The following USP36 variants were observed in gnomAD, a reference collection of about 807,000 sequenced individuals.
The protein encoded by USP36 is ubiquitin specific peptidase 36, also known as ubiquitin carboxyl-terminal hydrolase 36.
Under a neutral mutation model 111.5 loss-of-function variants are expected in USP36, and 59 were observed. The ratio of observed to expected loss-of-function variants is 0.53; its 90% CI spans 0.43 to 0.66. USP36 has a LOEUF of 0.66. USP36 is among the 30% of genes least tolerant of loss of function. The pLI, the probability that USP36 is intolerant of heterozygous loss-of-function variation, is 0.00. For synonymous variants in USP36, 628 were observed against 581.0 expected (o/e 1.08, Z -1.16); for missense variants, 1,488 against 1,468.0 (o/e 1.01, Z -0.22).
rs115856516 is a variant in USP36, at chr17:78,823,163, C to G, written c.690-1159G>C. 3 of 398,606 alleles carry G rather than the reference C, an allele frequency of 7.5e-6. No homozygotes were observed. The East Asian group carries it at 1.1e-4, about 14-fold the overall frequency. The allele number at this position is 398,606 out of a possible 1,614,324, so 24.7% of individuals were successfully genotyped here. ...CTCTGAAATACTTGGGGGACCAATA[C>G]AGGATCATTCAATTTTTATTCTGCA... On this transcript the variant is annotated intron_variant, in intron 6 of 20. Coordinates refer to ENST00000449938, the MANE Select transcript of USP36 (RefSeq NM_001385174.1).
chr17:78,831,314 A>G (rs1291243652), intron 4 of USP36, among the ~76,000 whole-genome samples: 1 of 150,644 alleles, frequency 6.6e-6, no homozygotes, highest in Non-Finnish European at 1.5e-5. Context: ...GGTAAGATAC[A>G]GTTTTACTAC....
Position 78,799,661 on chromosome 17 carries a change from CA to C in USP36, c.3124+5del. ...GCAAACAGAAGTCCTGTCTCCAAATCAGTACCTTTTCTCCCGTAAGCTTTAT... is the reference window on the plus strand; with the variant it reads ...GCAAACAGAAGTCCTGTCTCCAAATCGTACCTTTTCTCCCGTAAGCTTTAT... On this transcript the variant is annotated splice_donor_5th_base_variant and intron_variant, in intron 18 of 20. Coordinates refer to ENST00000449938, the MANE Select transcript of USP36 (RefSeq NM_001385174.1). The C allele has an allele frequency of 6.2e-7, 1 of 1,612,048 alleles. No individual in the cohort carries two copies.
At chr17:78,790,356 T>C (rs1441133178) in intron 3 of USP36, among the ~76,000 whole-genome samples, 2 of 152,122 alleles carry the variant, frequency 1.3e-5, no homozygotes, top group Non-Finnish European at 2.9e-5. Flanking sequence ...AATGGCGCGG[T>C]CTCAGCTCAC....
intron 4 of USP36, among the ~76,000 whole-genome samples, chr17:78,833,490 C>T (rs915301081): frequency 3.3e-5 from 5 of 152,098 alleles, no homozygotes; most frequent in Non-Finnish European, 5.9e-5. Context: ...CGGGCTGCTA[C>T]TCCAGGCACT....
At chr17:78,812,697 G>GAAAAAAAAAAAAA (rs572009070) in intron 13 of USP36, among the ~76,000 whole-genome samples, 163 bp downstream of exon 13, 2 of 52,648 alleles carry the variant, frequency 3.8e-5, no homozygotes, top group Non-Finnish European at 8.1e-5. Context: ...ACTCTGTCTC[G>GAAAAAAAAAAAAA]AAAAAAAAAA....
At chr17:78,815,892 A>G (rs2094172606) in intron 10 of USP36, among the ~76,000 whole-genome samples, 1 of 152,108 alleles carries the variant, frequency 6.6e-6, no homozygotes, top group African/African-American at 2.4e-5. Flanking sequence ...CATGCACAAC[A>G]CATACATGCA....
intron 6 of USP36, chr17:78,823,256 A>G (rs2094373777): frequency 2.5e-6 from 1 of 398,650 alleles, no homozygotes; most frequent in African/African-American, 2.1e-5. Context: ...TGACCTTTTA[A>G]CTGCAAATAC....
intron 3 of USP36, among the ~76,000 whole-genome samples, chr17:78,790,269 T>C (rs1321784251): frequency 6.6e-6 from 1 of 151,754 alleles, no homozygotes; most frequent in Admixed American, 6.6e-5. Flanking sequence ...TTTGTATTTT[T>C]AGTGGAGATA....
Position 78,799,745 on chromosome 17 carries a change from A to G in USP36, c.3046T>C (p.Ser1016Pro), listed in dbSNP as rs2093693966. The change falls in exon 18 of 21, where the codon TCT becomes CCT. Residue 1016 changes from serine (S) to proline (P), a missense_variant. Coordinates refer to ENST00000449938, the MANE Select transcript of USP36 (RefSeq NM_001385174.1). ...TCAGACTCCCGCTCTCCATTCCAAG[A>G]CACAGGAGGGGCCTGGCTCAGCCCT... is the stretch of plus-strand genomic sequence containing the variant. ...RMGLSQAPPV[S>P]WNGERESDVV... The G allele has an allele frequency of 6.2e-7, 1 of 1,609,880 alleles. No homozygotes were observed. Among genetic ancestry groups the G allele is most frequent in the Admixed American group, 1.7e-5 (1 of 59,288 alleles).
rs2093656014 is a variant in USP36 at position 78,798,021 on chromosome 17, G to C, written c.*21-142C>G. ...GGCAAGAAGTCACCCTTCTGCAAGT[G>C]ACTGGGACACATGCCAGATATACAC... is the stretch of plus-strand genomic sequence containing the variant. On this transcript the variant is annotated intron_variant, in intron 20 of 20. Transcript: ENST00000449938. This position sits in a 1 kb window ranked among gnomAD's most constrained non-coding sequence, Gnocchi z 5.1. 5.2e-6 allele frequency: 1 copy of C among 191,498 alleles called. No individual in the cohort carries two copies. Among genetic ancestry groups the C allele is most frequent in the Admixed American group, 5.4e-5 (1 of 18,396 alleles). The allele number at this position is 191,498 out of a possible 1,614,324, so 11.9% of individuals were successfully genotyped here. A position where few individuals can be genotyped will look rare whatever the true frequency, so the allele number is the denominator to read the frequency against.
intron 13 of USP36, among the ~76,000 whole-genome samples, chr17:78,810,950 C>T (rs2094035243): frequency 6.6e-6 from 1 of 151,868 alleles, no homozygotes; most frequent in African/African-American, 2.4e-5. Context: ...CCCATCTCTA[C>T]TAAAACTACA....
intron 2 of USP36, among the ~76,000 whole-genome samples, chr17:78,837,670 C>T: frequency 6.6e-6 from 1 of 152,180 alleles, no homozygotes; most frequent in East Asian, 1.9e-4. Flanking sequence ...CCTTCCCAAA[C>T]ACAGCACAGA....
At chr17:78,802,077 G>A (rs1346444206) in intron 17 of USP36, among the ~76,000 whole-genome samples, 1 of 151,084 alleles carries the variant, frequency 6.6e-6, no homozygotes, top group Non-Finnish European at 1.5e-5. Context: ...CTCACCCGGT[G>A]CACACCCACG....
chr17:78,837,502 G>A (rs1271097515), intron 2 of USP36, among the ~76,000 whole-genome samples: 4 of 152,118 alleles, frequency 2.6e-5, no homozygotes, highest in Non-Finnish European at 4.4e-5. Flanking sequence ...CTTGGGAAGT[G>A]CTTTAGAGCT....
At chr17:78,814,322 A>C in intron 11 of USP36, 90 bp downstream of exon 11, 1 of 1,520,716 alleles carries the variant, frequency 6.6e-7, no homozygotes. Flanking sequence ...CACTTTTCAC[A>C]AAGTAAGTGC....
In USP36 at chr17:78,816,347, CG is replaced by C. The variant is rs796362611; in HGVS notation, c.1024-1796del. ...GCCAATTAATAAAAATTTTTTAGGC[CG>C]GGCATGATGGCTCACACCTATAATC... On this transcript the variant is annotated intron_variant, in intron 10 of 20. Coordinates refer to ENST00000449938, the MANE Select transcript of USP36 (RefSeq NM_001385174.1). Among the ~76,000 whole-genome samples, 16 of 151,902 alleles carry C rather than the reference CG, an allele frequency of 1.1e-4. 1 individual carries two copies. Among genetic ancestry groups the C allele is most frequent in the African/African-American group, 3.9e-4 (16 of 41,416 alleles).
chr17:78,800,570 G>A (rs2093715364), intron 17 of USP36, among the ~76,000 whole-genome samples: 1 of 152,212 alleles, frequency 6.6e-6, no homozygotes. Context: ...CAGGCTAAGT[G>A]TCCCCTGCCC....
chr17:78,804,843 G>A (rs907289523), intron 15 of USP36, among the ~76,000 whole-genome samples: 2 of 151,982 alleles, frequency 1.3e-5, no homozygotes, highest in Admixed American at 6.6e-5. Flanking sequence ...ACAATAAATG[G>A]TAAGGAAAAA....
rs1396446542 is a variant in USP36, at chr17:78,796,309, G to A, written c.*1591C>T. The A allele has an allele frequency of 1.3e-5, 2 of 152,052 alleles. No homozygotes were observed. Among genetic ancestry groups the A allele is most frequent in the Non-Finnish European group, 2.9e-5 (2 of 68,058 alleles). 9.4% of individuals were successfully genotyped at this position (152,052 alleles called of 1,614,324 possible). ...CAAGTCAACACCCCGAGAAGAAAAG[G>A]AACATACCCTGCCCGTGAAGGCATG... On this transcript the variant is annotated 3_prime_UTR_variant, in exon 21 of 21. Coordinates refer to ENST00000449938, the MANE Select transcript of USP36 (RefSeq NM_001385174.1).
Sources: allele counts gnomAD v4.1 joint callset (sites outside exome capture counted in the v4.1 genomes callset), GRCh38; gene constraint gnomAD v4.1.1; non-coding constraint Gnocchi (gnomAD v3.1); transcripts MANE v1.5; gene names NCBI Gene and HGNC (gene_info 2026-07-23, HGNC 2026-07-21).